TBC1D19: variants seen among roughly 807,000 people sequenced by gnomAD.
The protein encoded by TBC1D19 is TBC1 domain family, member 19.
TBC1D19 carries 60 observed loss-of-function variants against 89.0 expected under a neutral mutation model. The observed-to-expected ratio is 0.67, with a 90% CI of 0.55 to 0.84. TBC1D19 has a LOEUF of 0.84. TBC1D19 is among the 40% of genes least tolerant of loss of function. The pLI is 0.00. For synonymous variants in TBC1D19, 189 were observed against 199.7 expected (o/e 0.95, Z 0.45); for missense variants, 500 against 610.8 (o/e 0.82, Z 1.91).
intron 3 of TBC1D19, among the ~76,000 whole-genome samples, chr4:26,616,585 A>T (rs757373525): frequency 2.6e-5 from 4 of 152,230 alleles, no homozygotes; most frequent in Non-Finnish European, 5.9e-5. Flanking sequence ...AAACAATGGG[A>T]GATAAAAAAT....
the TBC1D19 span, among the ~76,000 whole-genome samples, chr4:26,834,265 C>A: frequency 1.3e-5 from 2 of 152,130 alleles, no homozygotes; most frequent in Non-Finnish European, 2.9e-5. Context: ...TTCTTTATGG[C>A]AATGTGAGAA....
At chr4:26,804,088 G>GAAACAA in the TBC1D19 span, among the ~76,000 whole-genome samples, 43 of 145,732 alleles carry the variant, frequency 3.0e-4, 1 homozygote, top group East Asian at 7.9e-3. Context: ...AACAGAAACA[G>GAAACAA]AAACAAAAAA....
At chr4:26,842,340 CTTTTTTTTTTTT>C in the TBC1D19 span, among the ~76,000 whole-genome samples, 1 of 81,598 alleles carries the variant, frequency 1.2e-5, no homozygotes, top group Non-Finnish European at 2.3e-5. Context: ...CTTTTCTTTT[CTTTTTTTTTTTT>C]TTTTTTTTTT....
At position 26,673,765 on chromosome 4, in the gene TBC1D19, A is replaced by G. The variant is rs1577914112; in HGVS notation, c.704-11A>G. The G allele has an allele frequency of 1.3e-6, 2 of 1,563,844 alleles. No homozygotes were observed. The highest frequency in any genetic ancestry group is 1.8e-6 in the Non-Finnish European group (2 of 1,135,928). On this transcript the variant is annotated splice_polypyrimidine_tract_variant and intron_variant, in intron 10 of 20. Transcript: ENST00000264866. ...GAGTTTTCAAAGGAGATTTTCATAT[A>G]CTTTTGATAGTTCTAGCAGAACAAG...
chr4:26,622,664 A>C (rs1235457711), intron 4 of TBC1D19, among the ~76,000 whole-genome samples: 1 of 152,176 alleles, frequency 6.6e-6, no homozygotes, highest in African/African-American at 2.4e-5. Context: ...AAATCAAAAT[A>C]AGGATAATCT....
At chr4:26,680,150 G>C (rs1030086673) in intron 11 of TBC1D19, among the ~76,000 whole-genome samples, 7 of 152,178 alleles carry the variant, frequency 4.6e-5, no homozygotes, top group Non-Finnish European at 8.8e-5. Flanking sequence ...GTTTTCTGAG[G>C]CTTCCACGGC....
intron 4 of TBC1D19, among the ~76,000 whole-genome samples, 172 bp from the exon 5 acceptor site, chr4:26,637,039 A>G (rs1382694979): frequency 6.6e-6 from 1 of 152,160 alleles, no homozygotes; most frequent in Admixed American, 6.5e-5. Flanking sequence ...CACAAAGGAT[A>G]GTATCTGGCA....
chr4:26,850,560 A>AAAAAAAAAAAAG, the TBC1D19 span, among the ~76,000 whole-genome samples: 1 of 148,590 alleles, frequency 6.7e-6, no homozygotes, highest in African/African-American at 2.5e-5. Context: ...AAAAAAAAAA[A>AAAAAAAAAAAAG]AAGAAGAAGA....
chr4:26,690,180 C>T (rs1714153910), intron 13 of TBC1D19, among the ~76,000 whole-genome samples: 1 of 152,114 alleles, frequency 6.6e-6, no homozygotes, highest in African/African-American at 2.4e-5. Flanking sequence ...TAAATCTCTT[C>T]AATTTTATCA....
chr4:26,845,124 G>C, the TBC1D19 span, among the ~76,000 whole-genome samples: 1 of 152,198 alleles, frequency 6.6e-6, no homozygotes, highest in Admixed American at 6.5e-5. Flanking sequence ...GAAGGTGGTG[G>C]AGATGAGATA....
chr4:26,799,055 AT>A, the TBC1D19 span, among the ~76,000 whole-genome samples: 1 of 152,232 alleles, frequency 6.6e-6, no homozygotes, highest in Non-Finnish European at 1.5e-5. Flanking sequence ...AGGAAAAATG[AT>A]ATTTTTAATC....
chr4:26,663,785 T>G lies in TBC1D19; in HGVS notation c.592-2548T>G, dbSNP rs1027625496. ...GACTCCAGGATACTTGGTTTATCTGTGACCCTGGTCTGTCTGTGCGAGTAT... is the reference window on the plus strand; with the variant it reads ...GACTCCAGGATACTTGGTTTATCTGGGACCCTGGTCTGTCTGTGCGAGTAT... On this transcript the variant is annotated intron_variant, in intron 8 of 20. Coordinates refer to ENST00000264866, the MANE Select transcript of TBC1D19 (RefSeq NM_018317.4). Among the ~76,000 whole-genome samples, 12 of 152,216 alleles carry G rather than the reference T, an allele frequency of 7.9e-5. No homozygotes were observed. The East Asian group carries it at 1.9e-3, about 24-fold the overall frequency.
the TBC1D19 span, among the ~76,000 whole-genome samples, chr4:26,831,503 G>T: frequency 6.6e-6 from 1 of 151,828 alleles, no homozygotes; most frequent in African/African-American, 2.4e-5. Context: ...GCAAAACCAG[G>T]TGGAAGGCCA....
At chr4:26,649,201 C>T (rs1744161003) in intron 7 of TBC1D19, among the ~76,000 whole-genome samples, 1 of 151,852 alleles carries the variant, frequency 6.6e-6, no homozygotes, top group African/African-American at 2.4e-5. Flanking sequence ...ATAGTGTTTG[C>T]AATTTTAGGA....
At chr4:26,665,127 G>T (rs1413109988) in intron 8 of TBC1D19, among the ~76,000 whole-genome samples, 1 of 152,060 alleles carries the variant, frequency 6.6e-6, no homozygotes, top group East Asian at 1.9e-4. Context: ...CAGAACATGG[G>T]CTAGCAGGCC....
the TBC1D19 span, among the ~76,000 whole-genome samples, chr4:26,769,026 A>G: frequency 4.6e-5 from 7 of 152,054 alleles, no homozygotes; most frequent in Non-Finnish European, 8.8e-5. Flanking sequence ...AATTTAGCTA[A>G]AACTAGTTAT....
the TBC1D19 span, among the ~76,000 whole-genome samples, chr4:26,816,006 C>T: frequency 6.6e-6 from 1 of 152,176 alleles, no homozygotes; most frequent in East Asian, 1.9e-4. Context: ...GAGTTCTCTC[C>T]ACAGGCCTTG....
intron 19 of TBC1D19, 136 bp downstream of exon 19, chr4:26,748,662 T>C: frequency 1.5e-6 from 1 of 665,436 alleles, no homozygotes; most frequent in Non-Finnish European, 2.5e-6. Context: ...ATATCTGGCT[T>C]TGACGATAAG....
intron 3 of TBC1D19, among the ~76,000 whole-genome samples, chr4:26,618,814 T>C (rs1741853773): frequency 6.6e-6 from 1 of 152,170 alleles, no homozygotes; most frequent in Admixed American, 6.5e-5. Flanking sequence ...AGGCAAGGAA[T>C]AATGGTTGCC....
Sources: allele counts gnomAD v4.1 joint callset (sites outside exome capture counted in the v4.1 genomes callset), GRCh38; gene constraint gnomAD v4.1.1; transcripts MANE v1.5; gene names NCBI Gene and HGNC (gene_info 2026-07-23, HGNC 2026-07-21).